Variants in PPARGC1A observed in about 807,000 individuals in gnomAD.
PPARGC1A encodes the protein PPARG coactivator 1 alpha.
A neutral mutation model predicts 88.7 loss-of-function variants in PPARGC1A; 25 were observed. The observed-to-expected ratio is 0.28, with a 90% CI of 0.21 to 0.39. PPARGC1A has a LOEUF of 0.39. Among genes scored for constraint, PPARGC1A ranks in the 10% least tolerant of loss-of-function variants. The probability of loss-of-function intolerance (pLI) is 1.00; values close to 1 mark genes in which losing one functional copy is unlikely to be tolerated. For synonymous variants in PPARGC1A, 363 were observed against 355.6 expected, an observed-to-expected ratio of 1.02 and a Z score of -0.24; for missense variants, 880 against 968.7, an observed-to-expected ratio of 0.91 and a Z score of 1.22.
At chr4:24,189,755 T>C in the PPARGC1A span, among the ~76,000 whole-genome samples, 50 of 152,150 alleles carry the variant, frequency 3.3e-4, no homozygotes, top group Non-Finnish European at 6.0e-4. Flanking sequence ...TCACTTTTCA[T>C]GTATTTAGTT....
chr4:23,832,259 A>T (rs554160701), intron 2 of PPARGC1A, among the ~76,000 whole-genome samples: 4 of 152,288 alleles, frequency 2.6e-5, no homozygotes, highest in South Asian at 2.1e-4. Context: ...CATGGTTTCA[A>T]TTATAATCTC....
the PPARGC1A span, among the ~76,000 whole-genome samples, chr4:24,263,505 A>C: frequency 0.048 from 7,284 of 151,438 alleles, 212 homozygotes; most frequent in South Asian, 0.089. Context: ...CTTTAACAGC[A>C]CAGATTTGAA....
chr4:24,285,067 G>T, the PPARGC1A span, among the ~76,000 whole-genome samples: 2 of 152,100 alleles, frequency 1.3e-5, no homozygotes, highest in African/African-American at 4.8e-5. Flanking sequence ...AAAAAATCAT[G>T]CAGTGAGGCA....
intron 2 of PPARGC1A, among the ~76,000 whole-genome samples, chr4:23,871,017 T>C (rs758504632): frequency 6.6e-6 from 1 of 151,780 alleles, no homozygotes; most frequent in Non-Finnish European, 1.5e-5. Flanking sequence ...TCATCCCTTA[T>C]GCTGAATCAC....
At chr4:24,264,555 C>T in the PPARGC1A span, among the ~76,000 whole-genome samples, 2 of 152,250 alleles carry the variant, frequency 1.3e-5, no homozygotes, top group East Asian at 1.9e-4. Flanking sequence ...TCACTAAGTG[C>T]CCCAAGGCAA....
the PPARGC1A span, among the ~76,000 whole-genome samples, chr4:24,096,656 C>T: frequency 2.9e-3 from 445 of 152,278 alleles, 5 homozygotes; most frequent in African/African-American, 0.01. Context: ...ACTTTCAGTA[C>T]GTCAGGAGTG....
chr4:24,006,182 G>A, the PPARGC1A span, among the ~76,000 whole-genome samples: 1 of 152,144 alleles, frequency 6.6e-6, no homozygotes, highest in East Asian at 1.9e-4. Flanking sequence ...CTAAGTAGCT[G>A]GGATCATAGG....
chr4:24,205,311 C>T, the PPARGC1A span, among the ~76,000 whole-genome samples: 1 of 152,096 alleles, frequency 6.6e-6, no homozygotes, highest in Non-Finnish European at 1.5e-5. Flanking sequence ...TCTGTAGTCC[C>T]TTAGAACATA....
the PPARGC1A span, among the ~76,000 whole-genome samples, chr4:24,249,675 T>C: frequency 6.6e-6 from 1 of 152,232 alleles, no homozygotes. Flanking sequence ...TCAATGTTTT[T>C]GCAAGGCAGG....
the PPARGC1A span, among the ~76,000 whole-genome samples, chr4:24,199,676 C>T: frequency 9.8e-3 from 1,487 of 152,186 alleles, 31 homozygotes; most frequent in African/African-American, 0.034. Context: ...GAAATAAATT[C>T]CTACTCAAAA....
chr4:24,102,572 G>A, the PPARGC1A span, among the ~76,000 whole-genome samples: 1 of 152,196 alleles, frequency 6.6e-6, no homozygotes, highest in African/African-American at 2.4e-5. Context: ...GCATTTAACA[G>A]CAAAGAGATG....
At chr4:24,252,105 A>C in the PPARGC1A span, among the ~76,000 whole-genome samples, 1 of 152,172 alleles carries the variant, frequency 6.6e-6, no homozygotes, top group Non-Finnish European at 1.5e-5. Context: ...ATTTCCCTGA[A>C]TTTGAAAAAG....
the PPARGC1A span, among the ~76,000 whole-genome samples, chr4:24,107,290 A>G: frequency 2.0e-5 from 3 of 152,178 alleles, no homozygotes; most frequent in Admixed American, 2.0e-4. Flanking sequence ...TCTTTTGTGC[A>G]TTCATTTGTT....
In PPARGC1A at chr4:23,828,450, C is replaced by T; in HGVS notation, c.707G>A (p.Cys236Tyr). 1.2e-6 allele frequency: 2 copies of T among 1,613,870 alleles called. No homozygotes were observed. Among genetic ancestry groups the T allele is most frequent in the Non-Finnish European group, 1.7e-6 (2 of 1,179,946 alleles). The stretch of plus-strand genomic sequence containing the variant: ...TGTGTGGGACTTCTTTTTGGAGGTG[C>T]ATTTGTCTCTGCTGCTGTTTCTGTT... ...TENRNSSRDKCTSKKKSHTQS... is the reference protein window; with the variant it reads ...TENRNSSRDKYTSKKKSHTQS... The change falls in exon 5 of 13, where the codon TGC (cysteine) becomes TAC (tyrosine). Residue 236 changes from cysteine to tyrosine, a missense_variant. By Grantham distance (194) the Cys-to-Tyr change is radical (BLOSUM62 -2). Coordinates refer to ENST00000264867, the MANE Select transcript of PPARGC1A (RefSeq NM_013261.5).
chr4:24,405,279 G>T, the PPARGC1A span, among the ~76,000 whole-genome samples: 1 of 151,966 alleles, frequency 6.6e-6, no homozygotes, highest in Non-Finnish European at 1.5e-5. Flanking sequence ...TGTATGAAAA[G>T]GTGGTTTTTT....
the PPARGC1A span, among the ~76,000 whole-genome samples, chr4:24,313,433 T>C: frequency 6.6e-6 from 1 of 152,240 alleles, no homozygotes; most frequent in Non-Finnish European, 1.5e-5. Context: ...ACAAAATGCC[T>C]GTAATCTCTG....
the PPARGC1A span, among the ~76,000 whole-genome samples, chr4:24,327,327 T>C: frequency 6.6e-6 from 1 of 152,340 alleles, no homozygotes; most frequent in South Asian, 2.1e-4. Flanking sequence ...ACTACTCATA[T>C]ATGCCCTGCT....
chr4:24,174,198 C>T, the PPARGC1A span, among the ~76,000 whole-genome samples: 1 of 152,158 alleles, frequency 6.6e-6, no homozygotes, highest in African/African-American at 2.4e-5. Context: ...GGACAAATAA[C>T]AGAATCAATC....
chr4:24,034,326 T>C, the PPARGC1A span, among the ~76,000 whole-genome samples: 1 of 152,192 alleles, frequency 6.6e-6, no homozygotes, highest in Non-Finnish European at 1.5e-5. Context: ...AAAAGACATA[T>C]CACCCAATAC....
Sources: allele counts gnomAD v4.1 joint callset (sites outside exome capture counted in the v4.1 genomes callset), GRCh38; gene constraint gnomAD v4.1.1; transcripts MANE v1.5; gene names NCBI Gene and HGNC (gene_info 2026-07-23, HGNC 2026-07-21).